The following EBF1 variants were observed in gnomAD, a reference collection of about 807,000 sequenced individuals.
EBF1 encodes the protein EBF transcription factor 1.
Under a neutral mutation model 68.4 loss-of-function variants are expected in EBF1, and 10 were observed. The ratio of observed to expected loss-of-function variants is 0.15; its 90% confidence interval spans 0.09 to 0.25. EBF1 has a LOEUF of 0.25. Among genes scored for constraint, EBF1 ranks in the 10% least tolerant of loss-of-function variants. EBF1 has a pLI of 1.00. For missense variants in EBF1, 509 were observed against 794.4 expected, an observed-to-expected ratio of 0.64 and a Z score of 4.32; for synonymous variants, 298 against 299.8, an observed-to-expected ratio of 0.99 and a Z score of 0.06.
At chr5:158,778,466 T>TTGAG (rs1233236585) in intron 9 of EBF1, among the ~76,000 whole-genome samples, 3 of 152,162 alleles carry the variant, frequency 2.0e-5, no homozygotes, top group African/African-American at 7.2e-5. Context: ...ATTTGTGGTA[T>TTGAG]TGAGTCCACT....
rs368146463 is a variant in EBF1, at chr5:158,814,447, C to T, written c.778+8729G>A. Among the ~76,000 whole-genome samples the T allele has an allele frequency of 6.0e-4, 91 of 152,336 alleles. 1 individual carries two copies. In the South Asian group the frequency reaches 0.018, roughly 30 times the overall value. On this transcript the variant is annotated intron_variant, in intron 8 of 15. Coordinates refer to ENST00000313708, the MANE Select transcript of EBF1 (RefSeq NM_024007.5). ...CAAATCTCCCCTACAACACACAACA[C>T]ACCACACTTTGTGCTTATTAAAATT...
chr5:158,918,670 C>T (rs556900274), intron 6 of EBF1, among the ~76,000 whole-genome samples: 3 of 151,568 alleles, frequency 2.0e-5, no homozygotes, highest in Admixed American at 2.0e-4. Context: ...CACCTCTCAC[C>T]CATCTCTCTC....
At chr5:158,786,996 T>G (rs114826952) in intron 9 of EBF1, among the ~76,000 whole-genome samples, 5 of 152,248 alleles carry the variant, frequency 3.3e-5, no homozygotes, top group Admixed American at 1.3e-4. Flanking sequence ...GTTTGTCATA[T>G]CTAGATATGA....
At chr5:158,868,024 T>C (rs1398495264) in intron 6 of EBF1, among the ~76,000 whole-genome samples, 1 of 152,202 alleles carries the variant, frequency 6.6e-6, no homozygotes, top group Non-Finnish European at 1.5e-5. Context: ...TATCTACATC[T>C]GGAAATTCTT....
chr5:159,059,946 G>C (rs867187428), intron 6 of EBF1, among the ~76,000 whole-genome samples: 1 of 152,178 alleles, frequency 6.6e-6, no homozygotes, highest in Middle Eastern at 3.2e-3. Flanking sequence ...TGCTGTTGAG[G>C]TCAGCCTGCC....
chr5:158,909,956 T>TTAAAAAAAAAAAA (rs772406186), intron 6 of EBF1, among the ~76,000 whole-genome samples: 2 of 46,730 alleles, frequency 4.3e-5, no homozygotes, highest in African/African-American at 1.5e-4. Context: ...ACTCTGTCTA[T>TTAAAAAAAAAAAA]AAAAAAAAAA....
chr5:158,923,883 A>G (rs964262833), intron 6 of EBF1, among the ~76,000 whole-genome samples: 4 of 152,232 alleles, frequency 2.6e-5, no homozygotes, highest in African/African-American at 9.6e-5. Context: ...TCAAAAGCCA[A>G]ACCTGGGCAT....
intron 6 of EBF1, among the ~76,000 whole-genome samples, chr5:158,905,659 C>T (rs1037682768): frequency 8.5e-5 from 13 of 152,194 alleles, no homozygotes; most frequent in African/African-American, 3.1e-4. Flanking sequence ...TTCCTTTGCA[C>T]AGGAGCAACA....
chr5:159,085,128 G>A (rs998506917), intron 4 of EBF1, among the ~76,000 whole-genome samples: 3 of 152,212 alleles, frequency 2.0e-5, no homozygotes, highest in African/African-American at 7.2e-5. Context: ...TAAATGATAT[G>A]TATTTGCCTC....
At chr5:158,835,206 C>A (rs1029317805) in intron 7 of EBF1, among the ~76,000 whole-genome samples, 2 of 152,182 alleles carry the variant, frequency 1.3e-5, no homozygotes, top group African/African-American at 2.4e-5. Flanking sequence ...TGTCTTGGTT[C>A]GGTCCTAAGA....
chr5:158,882,859 C>T (rs932571642), intron 6 of EBF1, among the ~76,000 whole-genome samples: 7 of 152,130 alleles, frequency 4.6e-5, no homozygotes, highest in Non-Finnish European at 7.4e-5. Flanking sequence ...TGCAGAGCCC[C>T]GCTGTTCATG....
intron 10 of EBF1, among the ~76,000 whole-genome samples, chr5:158,741,051 A>C (rs1766265092): frequency 6.6e-6 from 1 of 152,234 alleles, no homozygotes; most frequent in African/African-American, 2.4e-5. Flanking sequence ...AAAACTATAT[A>C]AAGAAATGGA....
chr5:158,751,676 C>T (rs1197111661), intron 10 of EBF1, among the ~76,000 whole-genome samples: 1 of 151,966 alleles, frequency 6.6e-6, no homozygotes, highest in Non-Finnish European at 1.5e-5. Context: ...AAGTGCCTTC[C>T]CTATAGAGAT....
rs1783253611 is a variant in EBF1 at position 159,099,502 on chromosome 5, A to G, written c.-24T>C. The G allele has an allele frequency of 6.9e-7, 1 of 1,455,656 alleles. No homozygotes were observed. The allele number at this position is 1,455,656 out of a possible 1,614,324, so 90.2% of individuals were successfully genotyped here. A position where few individuals can be genotyped will look rare whatever the true frequency, so the allele number is the denominator to read the frequency against. ...ATGAAAACAACCTTTTCTTGTGGAA[A>G]ATCTCCTCCCCCTTGAAAAAAATTA... On this transcript the variant is annotated 5_prime_UTR_variant, in exon 1 of 16. Coordinates refer to ENST00000313708, the MANE Select transcript of EBF1 (RefSeq NM_024007.5).
intron 10 of EBF1, among the ~76,000 whole-genome samples, chr5:158,755,948 A>G (rs533595984): frequency 6.6e-6 from 1 of 152,328 alleles, no homozygotes; most frequent in African/African-American, 2.4e-5. Flanking sequence ...AAAAAAAGAA[A>G]GTGTGAAATC....
intron 6 of EBF1, among the ~76,000 whole-genome samples, chr5:158,946,634 A>T (rs879756526): frequency 2.6e-5 from 4 of 152,138 alleles, no homozygotes; most frequent in Non-Finnish European, 4.4e-5. Context: ...CACTGCTGGG[A>T]GGTGTCTCTC....
At chr5:158,845,705 G>GA (rs374702772) in intron 6 of EBF1, among the ~76,000 whole-genome samples, 112,709 of 138,230 alleles carry the variant, frequency 0.82, 45,825 homozygotes, top group South Asian at 0.89. Context: ...CCTACAAAAA[G>GA]AAAAAAAAAA....
chr5:158,733,051 A>G (rs1561773238), intron 10 of EBF1, among the ~76,000 whole-genome samples: 1 of 152,124 alleles, frequency 6.6e-6, no homozygotes, highest in Non-Finnish European at 1.5e-5. Flanking sequence ...TCTTTTTTCA[A>G]ATTAGACTTG....
At chr5:159,020,483 A>C (rs1417163514) in intron 6 of EBF1, among the ~76,000 whole-genome samples, 2 of 152,138 alleles carry the variant, frequency 1.3e-5, no homozygotes, top group African/African-American at 2.4e-5. Flanking sequence ...CTTCACCCTC[A>C]ATCGAGCGAT....
Sources: gnomAD v4.1 joint callset for allele counts (sites outside exome capture counted in the v4.1 genomes callset) on GRCh38, gnomAD v4.1.1 for gene constraint, MANE v1.5 for transcripts, NCBI Gene and HGNC (gene_info 2026-07-23, HGNC 2026-07-21) for gene names.